The following CSMD1 variants were observed in gnomAD, a reference collection of about 807,000 sequenced individuals.
The protein encoded by CSMD1 is CUB and sushi domain-containing protein 1.
CSMD1 carries 213 observed loss-of-function variants against 417.5 expected under a neutral mutation model. The ratio of observed to expected loss-of-function variants is 0.51; its 90% CI spans 0.46 to 0.57. The LOEUF is 0.57. CSMD1 is among the 20% of genes least tolerant of loss of function. The pLI, the probability that CSMD1 is intolerant of heterozygous loss-of-function variation, is 0.00. For missense variants in CSMD1, 6,923 were observed against 4,529.7 expected (o/e 1.53, Z -15.17); for synonymous variants, 2,862 against 1,736.8 (o/e 1.65, Z -16.11).
At chr8:3,676,616 G>A (rs768426382) in intron 7 of CSMD1, among the ~76,000 whole-genome samples, 7 of 152,248 alleles carry the variant, frequency 4.6e-5, no homozygotes, top group Non-Finnish European at 7.3e-5. Flanking sequence ...GAAGGTTGCC[G>A]TGAGCTTGTG....
intron 4 of CSMD1, among the ~76,000 whole-genome samples, chr8:4,030,345 T>C (rs1284960475): frequency 6.6e-6 from 1 of 152,212 alleles, no homozygotes; most frequent in African/African-American, 2.4e-5. Context: ...ATACTTCCTC[T>C]GAAATCTAGG....
intron 7 of CSMD1, among the ~76,000 whole-genome samples, chr8:3,633,183 C>T (rs988356056): frequency 1.3e-5 from 2 of 152,186 alleles, no homozygotes; most frequent in African/African-American, 4.8e-5. Flanking sequence ...ATGATGAACA[C>T]ACCTTTTCTC....
At chr8:4,662,710 T>G (rs1007649453) in intron 1 of CSMD1, among the ~76,000 whole-genome samples, 1 of 152,198 alleles carries the variant, frequency 6.6e-6, no homozygotes, top group Admixed American at 6.5e-5. Context: ...CACTTTCAGA[T>G]GTTACGCAAT....
At chr8:4,273,527 C>G (rs1804731869) in intron 3 of CSMD1, among the ~76,000 whole-genome samples, 1 of 152,182 alleles carries the variant, frequency 6.6e-6, no homozygotes, top group African/African-American at 2.4e-5. Flanking sequence ...AGAGGACATT[C>G]TATTAACTTC....
intron 18 of CSMD1, among the ~76,000 whole-genome samples, chr8:3,386,073 C>G (rs1363080154): frequency 1.3e-5 from 2 of 152,138 alleles, no homozygotes; most frequent in African/African-American, 2.4e-5. Context: ...AAAATGATAT[C>G]AATACAATGT....
At chr8:4,750,361 C>T (rs1449887844) in intron 1 of CSMD1, among the ~76,000 whole-genome samples, 3 of 152,016 alleles carry the variant, frequency 2.0e-5, no homozygotes, top group South Asian at 2.1e-4. Flanking sequence ...AATTGAGTTG[C>T]TTTTTTAAAA....
At chr8:4,152,652 C>T (rs375382911) in intron 3 of CSMD1, among the ~76,000 whole-genome samples, 8 of 151,494 alleles carry the variant, frequency 5.3e-5, no homozygotes, top group East Asian at 3.9e-4. Flanking sequence ...ATTGTGCCAG[C>T]GCACCGCAAC....
In CSMD1 at chr8:3,026,413, G is replaced by A. The variant is rs553683136; in HGVS notation, c.7855+2906C>T. 5.3e-5 allele frequency among the ~76,000 whole-genome samples: 8 copies of A among 151,758 alleles called. No individual in the cohort carries two copies. In the East Asian group the frequency reaches 7.8e-4, roughly 15 times the overall value. Reference sequence around the variant, plus strand: ...CACTCGGCCTCACTGGGCCTGACTGGACCTCACTGGACTTCACTGGGCCTC... The same window carrying A: ...CACTCGGCCTCACTGGGCCTGACTGAACCTCACTGGACTTCACTGGGCCTC... On this transcript the variant is annotated intron_variant, in intron 51 of 69. Transcript: ENST00000635120.
chr8:3,935,753 C>T (rs1810452070), intron 5 of CSMD1, among the ~76,000 whole-genome samples: 1 of 152,112 alleles, frequency 6.6e-6, no homozygotes, highest in East Asian at 1.9e-4. Flanking sequence ...TTCCGTGAGA[C>T]ACAGCAATAA....
At chr8:3,100,901 C>T (rs1166714706) in intron 46 of CSMD1, among the ~76,000 whole-genome samples, 1 of 152,114 alleles carries the variant, frequency 6.6e-6, no homozygotes, top group African/African-American at 2.4e-5. Flanking sequence ...AAGGCTGCCC[C>T]AGAGCCCTTG....
At chr8:3,257,767 G>A (rs1800767495) in intron 26 of CSMD1, among the ~76,000 whole-genome samples, 1 of 152,148 alleles carries the variant, frequency 6.6e-6, no homozygotes, top group African/African-American at 2.4e-5. Flanking sequence ...AGAAGGGGGT[G>A]GATGATGAGG....
At chr8:2,967,353 A>T (rs1267941443) in intron 57 of CSMD1, among the ~76,000 whole-genome samples, 1 of 152,200 alleles carries the variant, frequency 6.6e-6, no homozygotes, top group Non-Finnish European at 1.5e-5. Flanking sequence ...GACATGATTG[A>T]ACTTTACATT....
chr8:3,999,126 TCTTC>T (rs1815458730), intron 4 of CSMD1, among the ~76,000 whole-genome samples: 1 of 151,778 alleles, frequency 6.6e-6, no homozygotes, highest in South Asian at 2.1e-4. Flanking sequence ...TTTTAAAATT[TCTTC>T]CTTCCCTCCT....
intron 3 of CSMD1, among the ~76,000 whole-genome samples, chr8:4,177,674 G>C (rs931447465): frequency 5.6e-5 from 8 of 141,960 alleles, no homozygotes; most frequent in Non-Finnish European, 1.1e-4. Flanking sequence ...AAAATTGATA[G>C]ACCGCTAGCA....
At chr8:3,463,257 C>G (rs1816619760) in intron 12 of CSMD1, among the ~76,000 whole-genome samples, 1 of 152,164 alleles carries the variant, frequency 6.6e-6, no homozygotes, top group Admixed American at 6.5e-5. Flanking sequence ...CAAGCACACT[C>G]CCAATACCTC....
chr8:4,344,088 T>C (rs1444282317), intron 3 of CSMD1, among the ~76,000 whole-genome samples: 1 of 152,152 alleles, frequency 6.6e-6, no homozygotes, highest in Non-Finnish European at 1.5e-5. Context: ...CTTAACACGG[T>C]ATACCAGCAC....
chr8:3,518,655 A>C (rs1054456188), intron 10 of CSMD1, among the ~76,000 whole-genome samples: 5 of 152,210 alleles, frequency 3.3e-5, no homozygotes, highest in African/African-American at 1.2e-4. Context: ...AGAAACAAAT[A>C]AAACAAATGA....
chr8:3,266,287 C>G (rs1036052368), intron 26 of CSMD1, among the ~76,000 whole-genome samples: 2 of 151,216 alleles, frequency 1.3e-5, no homozygotes, highest in African/African-American at 4.9e-5. Flanking sequence ...GGCAGTAGCA[C>G]CACAGTTCTG....
intron 54 of CSMD1, among the ~76,000 whole-genome samples, chr8:2,995,137 T>C (rs1055469797): frequency 6.6e-6 from 1 of 152,178 alleles, no homozygotes; most frequent in East Asian, 1.9e-4. Flanking sequence ...CTGCGAATCA[T>C]ATACCTGACA....
Sources: gnomAD v4.1 joint callset for allele counts (sites outside exome capture counted in the v4.1 genomes callset) on GRCh38, gnomAD v4.1.1 for gene constraint, MANE v1.5 for transcripts, NCBI Gene and HGNC (gene_info 2026-07-23, HGNC 2026-07-21) for gene names.